RBMS3: variants seen among roughly 807,000 people sequenced by gnomAD.
RBMS3 encodes RNA-binding motif, single-stranded-interacting protein 3.
Under a neutral mutation model 66.8 loss-of-function variants are expected in RBMS3, and 27 were observed. The ratio of observed to expected loss-of-function variants is 0.40; its 90% CI spans 0.30 to 0.56. The LOEUF is 0.56. Ranked by LOEUF, RBMS3 falls within the 20% of genes least tolerant of loss-of-function variation. The pLI, the probability that RBMS3 is intolerant of heterozygous loss-of-function variation, is 0.40. For missense variants in RBMS3, 513 were observed against 549.5 expected, an observed-to-expected ratio of 0.93 and a Z score of 0.66; for synonymous variants, 188 against 183.0, an observed-to-expected ratio of 1.03 and a Z score of -0.22.
rs150588747 is a variant in RBMS3, at chr3:29,492,278, TTAGAG to T, written c.307+3782_307+3786del. 6.9e-3 allele frequency among the ~76,000 whole-genome samples: 1,049 copies of T among 152,270 alleles called. 23 individuals carry two copies. The highest frequency in any genetic ancestry group is 0.053 in the Admixed American group (817 of 15,296). ...TATTTTAATGATATGCCGATGTATATTAGAGTATTTTCCTTTCAAAAAATAGACCT... is the reference window on the plus strand; with the variant it reads ...TATTTTAATGATATGCCGATGTATATTATTTTCCTTTCAAAAAATAGACCT... On this transcript the variant is annotated intron_variant, in intron 3 of 14. Transcript: ENST00000383767.
chr3:29,288,406 GGGAGTGGGT>G (rs1181688032), intron 1 of RBMS3, among the ~76,000 whole-genome samples: 1 of 151,960 alleles, frequency 6.6e-6, no homozygotes, highest in Non-Finnish European at 1.5e-5. Context: ...TCCATCACTT[GGGAGTGGGT>G]GGATAGAAGT....
At chr3:29,430,987 C>G (rs2041163551) in intron 1 of RBMS3, among the ~76,000 whole-genome samples, 1 of 152,146 alleles carries the variant, frequency 6.6e-6, no homozygotes, top group African/African-American at 2.4e-5. Flanking sequence ...GTACTGAACA[C>G]CTACTGTGTG....
chr3:29,838,550 A>G (rs2058585406), intron 6 of RBMS3, among the ~76,000 whole-genome samples: 1 of 152,118 alleles, frequency 6.6e-6, no homozygotes, highest in South Asian at 2.1e-4. Context: ...AATAAGAAAC[A>G]TATTACCTTG....
At chr3:29,579,183 C>T (rs17546007) in intron 3 of RBMS3, among the ~76,000 whole-genome samples, 5,260 of 152,202 alleles carry the variant, frequency 0.035, 114 homozygotes, top group African/African-American at 0.057. Flanking sequence ...ATGTATCTTT[C>T]CGGGTTGTTG....
At chr3:29,488,390 G>T in intron 2 of RBMS3, 51 bp from the exon 3 acceptor site, 1 of 1,491,522 alleles carries the variant, frequency 6.7e-7, no homozygotes, top group Non-Finnish European at 9.3e-7. Context: ...TGTTTTAAGT[G>T]TCTTCAATGG....
chr3:29,605,438 T>C (rs2048291457), intron 4 of RBMS3, among the ~76,000 whole-genome samples: 1 of 151,916 alleles, frequency 6.6e-6, no homozygotes, highest in African/African-American at 2.4e-5. Flanking sequence ...AGTAAATTTA[T>C]ACGCTTTCTA....
intron 12 of RBMS3, among the ~76,000 whole-genome samples, chr3:29,978,858 G>C (rs1424836780): frequency 6.6e-6 from 1 of 152,110 alleles, no homozygotes; most frequent in African/African-American, 2.4e-5. Context: ...CTGGGGGCTG[G>C]GCGTGGGGGC....
At chr3:29,882,630 G>A (rs1345346944) in intron 7 of RBMS3, among the ~76,000 whole-genome samples, 1 of 151,858 alleles carries the variant, frequency 6.6e-6, no homozygotes, top group Non-Finnish European at 1.5e-5. Context: ...TAGTATTTAT[G>A]GAAATACTGC....
intron 11 of RBMS3, among the ~76,000 whole-genome samples, chr3:29,938,621 A>T (rs2149693408): frequency 6.6e-6 from 1 of 152,068 alleles, no homozygotes. Flanking sequence ...GCCTTCATAG[A>T]TTCATTTTAT....
chr3:29,644,141 C>A (rs1361157933), intron 4 of RBMS3, among the ~76,000 whole-genome samples: 1 of 152,102 alleles, frequency 6.6e-6, no homozygotes, highest in East Asian at 1.9e-4. Context: ...AACAGGTTTA[C>A]AATATAGTAA....
intron 2 of RBMS3, among the ~76,000 whole-genome samples, chr3:29,473,207 G>T (rs1315218569): frequency 6.6e-6 from 1 of 151,952 alleles, no homozygotes; most frequent in African/African-American, 2.4e-5. Flanking sequence ...GTGTCGATTG[G>T]TGCATTCACA....
At chr3:29,458,323 A>G (rs1171261031) in intron 2 of RBMS3, among the ~76,000 whole-genome samples, 1 of 152,168 alleles carries the variant, frequency 6.6e-6, no homozygotes, top group Admixed American at 6.5e-5. Context: ...TCTGTATATT[A>G]TATGTTAATA....
At chr3:30,001,450 G>C (rs758207635) in intron 14 of RBMS3, among the ~76,000 whole-genome samples, 27 of 151,942 alleles carry the variant, frequency 1.8e-4, no homozygotes, top group Non-Finnish European at 2.8e-4. Context: ...AAATGACTCT[G>C]TATTCTTAAA....
At chr3:30,002,546 A>C (rs1037493436) in intron 14 of RBMS3, among the ~76,000 whole-genome samples, 1 of 151,930 alleles carries the variant, frequency 6.6e-6, no homozygotes, top group Non-Finnish European at 1.5e-5. Flanking sequence ...CCACTAATAA[A>C]ATTTTTTCTT....
intron 4 of RBMS3, among the ~76,000 whole-genome samples, chr3:29,689,100 AATAGATATAGAT>A (rs11271452): frequency 3.3e-5 from 5 of 151,696 alleles, no homozygotes; most frequent in Admixed American, 6.6e-5. Flanking sequence ...CCTATATAGA[AATAGATATAGAT>A]ATAGATATAG....
intron 2 of RBMS3, among the ~76,000 whole-genome samples, chr3:29,486,640 G>A (rs79341571): frequency 0.091 from 13,894 of 152,146 alleles, 835 homozygotes; most frequent in African/African-American, 0.17. Flanking sequence ...TGCTGTAAAA[G>A]TGATTACATA....
chr3:29,907,838 T>A (rs773382416), intron 10 of RBMS3, among the ~76,000 whole-genome samples: 1 of 152,110 alleles, frequency 6.6e-6, no homozygotes, highest in Non-Finnish European at 1.5e-5. Flanking sequence ...TACCCAAGAC[T>A]ATCTTAGTTT....
intron 6 of RBMS3, among the ~76,000 whole-genome samples, chr3:29,770,207 C>T (rs2056136492): frequency 6.6e-6 from 1 of 151,794 alleles, no homozygotes; most frequent in South Asian, 2.1e-4. Context: ...CTTTTGCTCC[C>T]CCTGCCACGT....
intron 6 of RBMS3, among the ~76,000 whole-genome samples, chr3:29,810,662 G>A (rs1341164192): frequency 5.9e-5 from 9 of 152,090 alleles, no homozygotes; most frequent in Admixed American, 6.5e-5. Flanking sequence ...CACATTCATG[G>A]TGTAACACAT....
Sources: allele counts gnomAD v4.1 joint callset (sites outside exome capture counted in the v4.1 genomes callset), GRCh38; gene constraint gnomAD v4.1.1; transcripts MANE v1.5; gene names NCBI Gene and HGNC (gene_info 2026-07-23, HGNC 2026-07-21).